Variants in YWHAB observed in about 807,000 individuals in gnomAD.
The protein encoded by YWHAB is 14-3-3 protein beta/alpha.
In YWHAB, 2 loss-of-function variants were observed where a neutral mutation model predicts 28.5. The observed-to-expected ratio is 0.07, with a 90% CI of 0.03 to 0.22. The LOEUF (loss-of-function observed/expected upper bound fraction) is 0.22. Among genes scored for constraint, YWHAB ranks in the 10% least tolerant of loss-of-function variants. The probability of loss-of-function intolerance (pLI) is 1.00; values close to 1 mark genes in which losing one functional copy is unlikely to be tolerated. For missense variants in YWHAB, 148 were observed against 297.1 expected, an observed-to-expected ratio of 0.50 and a Z score of 3.69; for synonymous variants, 103 against 104.7, an observed-to-expected ratio of 0.98 and a Z score of 0.10.
At chr20:44,903,082 C>A in intron 2 of YWHAB, 1 of 986,524 alleles carries the variant, frequency 1.0e-6, no homozygotes, top group Middle Eastern at 5.2e-4. Context: ...AAATATTGCT[C>A]TGTATACGAA....
intron 1 of YWHAB, among the ~76,000 whole-genome samples, chr20:44,894,104 ACTTG>A (rs1159279631): frequency 6.6e-6 from 1 of 152,176 alleles, no homozygotes; most frequent in Non-Finnish European, 1.5e-5. Flanking sequence ...CCCAGTCCTG[ACTTG>A]CTGCATCCAG....
chr20:44,901,002 C>T (rs2066623117), intron 1 of YWHAB, among the ~76,000 whole-genome samples: 1 of 152,176 alleles, frequency 6.6e-6, no homozygotes, highest in African/African-American at 2.4e-5. Flanking sequence ...TCTCGAACTC[C>T]TGACCTCGTG....
intron 1 of YWHAB, among the ~76,000 whole-genome samples, chr20:44,897,496 A>G (rs2425672): frequency 0.6 from 91,475 of 151,950 alleles, 28,142 homozygotes; most frequent in African/African-American, 0.72. Context: ...GCACTTTTAG[A>G]AACCATGAAG....
chr20:44,890,504 T>A (rs2066554343), intron 1 of YWHAB, among the ~76,000 whole-genome samples: 1 of 130,648 alleles, frequency 7.7e-6, no homozygotes, highest in Non-Finnish European at 1.7e-5. Context: ...TTCCTACTTT[T>A]TTTTTTTTTT....
At chr20:44,896,216 TC>T (rs2066595157) in intron 1 of YWHAB, among the ~76,000 whole-genome samples, 2 of 152,332 alleles carry the variant, frequency 1.3e-5, no homozygotes, top group African/African-American at 4.8e-5. Context: ...TGAAATTGAT[TC>T]TATCTGTTTT....
At chr20:44,903,850 C>A in intron 2 of YWHAB, 143 bp from the exon 3 acceptor site, 1 of 934,646 alleles carries the variant, frequency 1.1e-6, no homozygotes, top group Non-Finnish European at 1.5e-6. Context: ...GGCTAAACAA[C>A]ATTTAGTAGC....
chr20:44,903,833 T>C (rs1349934728), intron 2 of YWHAB, 160 bp from the exon 3 acceptor site: 8 of 729,336 alleles, frequency 1.1e-5, no homozygotes, highest in African/African-American at 9.2e-5. Flanking sequence ...TCTGCTGTTA[T>C]GACCTGGGCT....
intron 1 of YWHAB, among the ~76,000 whole-genome samples, chr20:44,896,322 C>T (rs2267850): frequency 0.28 from 43,305 of 151,968 alleles, 6,506 homozygotes; most frequent in Middle Eastern, 0.38. Flanking sequence ...ATGGCTTAAA[C>T]AGCTTAAGAA....
chr20:44,892,061 G>A (rs1219844971), intron 1 of YWHAB, among the ~76,000 whole-genome samples: 2 of 152,088 alleles, frequency 1.3e-5, no homozygotes, highest in Non-Finnish European at 2.9e-5. Context: ...GCAGTAGCTT[G>A]GCATCTGATT....
chr20:44,888,365 C>T (rs1194995648), intron 1 of YWHAB, among the ~76,000 whole-genome samples: 2 of 152,192 alleles, frequency 1.3e-5, no homozygotes, highest in Admixed American at 6.5e-5. Flanking sequence ...TTAGCTCAGT[C>T]TTCATAACAA....
chr20:44,905,233 A>G (rs1158782775), intron 4 of YWHAB, 102 bp downstream of exon 4: 6 of 1,282,446 alleles, frequency 4.7e-6, no homozygotes, highest in Non-Finnish European at 6.3e-6. Context: ...ACTTTTTTTG[A>G]AAGATTTTCT....
intron 1 of YWHAB, among the ~76,000 whole-genome samples, chr20:44,888,755 G>T (rs1431908323): frequency 6.6e-6 from 1 of 152,120 alleles, no homozygotes; most frequent in Non-Finnish European, 1.5e-5. Flanking sequence ...GAACAATCCA[G>T]TTTTTCTAGT....
intron 4 of YWHAB, 144 bp downstream of exon 4, chr20:44,905,275 T>C (rs921365878): frequency 5.8e-6 from 4 of 685,272 alleles, no homozygotes; most frequent in Non-Finnish European, 8.9e-6. Context: ...ATGAGATAAA[T>C]ACAGATCTGT....
Position 44,907,519 on chromosome 20 carries a change from CTCAGTTTTCAG to C in YWHAB, c.*1082_*1092del, listed in dbSNP as rs916834481. ...GAGATGGCCTTTCACTTGAGGAGTA[CTCAGTTTTCAG>C]GTTCTTCCTAGCTCGGGGCTTTTAA... On this transcript the variant is annotated 3_prime_UTR_variant, in exon 6 of 6. Transcript: ENST00000353703. 1 of 152,178 alleles carries C rather than the reference CTCAGTTTTCAG, an allele frequency of 6.6e-6. No individual in the cohort carries two copies. The highest frequency in any genetic ancestry group is 2.4e-5 in the African/African-American group (1 of 41,444). The allele number at this position is 152,178 out of a possible 1,614,324, so 9.4% of individuals were successfully genotyped here.
In YWHAB at chr20:44,907,112, T is replaced by C. The variant is rs2066662342; in HGVS notation, c.*674T>C. 6.6e-6 allele frequency: 1 copy of C among 152,270 alleles called. No individual in the cohort carries two copies. 9.4% of individuals were successfully genotyped at this position (152,270 alleles called of 1,614,324 possible). ...ACACCTTGAAAAGTTCAAGTGCTCA[T>C]ATAACACACCACACTGAACCCCCTT... On this transcript the variant is annotated 3_prime_UTR_variant, in exon 6 of 6. Coordinates refer to ENST00000353703, the MANE Select transcript of YWHAB (RefSeq NM_139323.4).
chr20:44,897,886 A>G (rs182108803), intron 1 of YWHAB, among the ~76,000 whole-genome samples: 9 of 152,244 alleles, frequency 5.9e-5, no homozygotes, highest in Admixed American at 3.9e-4. Context: ...TGCGTGTCCA[A>G]TGCAGGTCTG....
chr20:44,905,165 C>A, intron 4 of YWHAB, 34 bp downstream of exon 4: 1 of 1,566,412 alleles, frequency 6.4e-7, no homozygotes, highest in Middle Eastern at 1.7e-4. Flanking sequence ...CTAACCATAG[C>A]AAAACAGTGC....
intron 4 of YWHAB, 150 bp from the exon 5 acceptor site, chr20:44,905,851 G>T: frequency 1.6e-6 from 1 of 613,642 alleles, no homozygotes; most frequent in Non-Finnish European, 2.9e-6. Context: ...TACTTCTGCT[G>T]GAAACAGCTA....
At chr20:44,886,257 C>T (rs377526204) in intron 1 of YWHAB, 1 of 152,358 alleles carries the variant, frequency 6.6e-6, no homozygotes, top group Non-Finnish European at 1.5e-5. Context: ...CCCTTCAGCC[C>T]TGTCACCTCT....
Sources: allele counts gnomAD v4.1 joint callset (sites outside exome capture counted in the v4.1 genomes callset), GRCh38; gene constraint gnomAD v4.1.1; transcripts MANE v1.5; gene names NCBI Gene and HGNC (gene_info 2026-07-23, HGNC 2026-07-21).